The following AK7 variants were observed in gnomAD, a reference collection of about 807,000 sequenced individuals.
The protein encoded by AK7 is ATP-AMP transphosphorylase 7.
AK7 carries 78 observed loss-of-function variants against 96.6 expected under a neutral mutation model. The observed-to-expected ratio is 0.81, with a 90% CI of 0.67 to 0.97. AK7 has a LOEUF of 0.97. Ranked by LOEUF, AK7 falls within the 50% of genes least tolerant of loss-of-function variation. The pLI is 0.00. For synonymous variants in AK7, 302 were observed against 317.2 expected (o/e 0.95, Z 0.51); for missense variants, 855 against 887.9 (o/e 0.96, Z 0.47).
intron 4 of AK7, among the ~76,000 whole-genome samples, chr14:96,414,169 C>T (rs1891194150): frequency 6.6e-6 from 1 of 152,250 alleles, no homozygotes; most frequent in African/African-American, 2.4e-5. Flanking sequence ...AAGATCCAGG[C>T]TCCTTCTGTT....
At position 96,455,701 on chromosome 14, in the gene AK7, C is replaced by T. The variant is rs1461555621; in HGVS notation, c.1099-646C>T. ...TTACTCTTTAGTGATCTGAGTTGTTCCTGATACATCTTCTTATGTGGCCCT... is the reference window on the plus strand; with the variant it reads ...TTACTCTTTAGTGATCTGAGTTGTTTCTGATACATCTTCTTATGTGGCCCT... On this transcript the variant is annotated intron_variant, in intron 10 of 17. Coordinates refer to ENST00000267584, the MANE Select transcript of AK7 (RefSeq NM_152327.5). 2.1e-4 allele frequency among the ~76,000 whole-genome samples: 32 copies of T among 152,130 alleles called. 1 individual carries two copies. Among genetic ancestry groups the T allele is most frequent in the Admixed American group, 2.1e-3 (32 of 15,260 alleles).
At chr14:96,393,248 C>T (rs570205816) in intron 1 of AK7, among the ~76,000 whole-genome samples, 1 of 152,308 alleles carries the variant, frequency 6.6e-6, no homozygotes, top group Admixed American at 6.5e-5. Flanking sequence ...TCTAGAGCTA[C>T]AGAGAAATCT....
At chr14:96,424,890 T>C (rs1891934967) in intron 5 of AK7, among the ~76,000 whole-genome samples, 1 of 152,232 alleles carries the variant, frequency 6.6e-6, no homozygotes, top group South Asian at 2.1e-4. Context: ...GGAAAATGTA[T>C]GCTTACACAT....
intron 7 of AK7, among the ~76,000 whole-genome samples, chr14:96,443,342 G>A (rs1052627969): frequency 1.3e-5 from 2 of 152,154 alleles, no homozygotes; most frequent in African/African-American, 2.4e-5. Context: ...TGACTTAAAC[G>A]TGAGGTCAAT....
At chr14:96,481,509 C>T (rs1464835737) in intron 15 of AK7, among the ~76,000 whole-genome samples, 1 of 151,346 alleles carries the variant, frequency 6.6e-6, no homozygotes, top group African/African-American at 2.4e-5. Flanking sequence ...ACATGCCCAG[C>T]TAATTTTTGT....
intron 4 of AK7, among the ~76,000 whole-genome samples, chr14:96,416,370 A>T (rs990570398): frequency 4.0e-5 from 6 of 150,284 alleles, no homozygotes; most frequent in Admixed American, 1.3e-4. Context: ...CTGGAGACAG[A>T]GTGAGACTCT....
intron 12 of AK7, among the ~76,000 whole-genome samples, chr14:96,458,734 C>T (rs1237853253): frequency 1.4e-5 from 2 of 142,812 alleles, no homozygotes; most frequent in Admixed American, 7.0e-5. Context: ...AAGAGTGAAA[C>T]TCTGTCTCAA....
chr14:96,475,964 G>C (rs565049538), intron 14 of AK7, among the ~76,000 whole-genome samples: 1 of 142,564 alleles, frequency 7.0e-6, no homozygotes, highest in East Asian at 2.1e-4. Context: ...GGGTGACAGT[G>C]AGACCCTGTC....
chr14:96,433,653 C>G (rs974365175), intron 5 of AK7, among the ~76,000 whole-genome samples: 1 of 152,298 alleles, frequency 6.6e-6, no homozygotes, highest in East Asian at 1.9e-4. Context: ...TTATTACCGA[C>G]CTTCTGAAGC....
intron 6 of AK7, among the ~76,000 whole-genome samples, chr14:96,442,263 T>G (rs1341131517): frequency 2.0e-5 from 3 of 152,222 alleles, no homozygotes; most frequent in African/African-American, 7.2e-5. Context: ...ACCCCTGGAC[T>G]GATGGTACTT....
intron 16 of AK7, among the ~76,000 whole-genome samples, chr14:96,485,372 G>A (rs1018129495): frequency 6.6e-6 from 1 of 152,144 alleles, no homozygotes; most frequent in Non-Finnish European, 1.5e-5. Context: ...AACGGCTCCA[G>A]TTGGCCTCCC....
chr14:96,461,897 AT>A (rs1225518796), intron 12 of AK7, among the ~76,000 whole-genome samples: 2 of 152,180 alleles, frequency 1.3e-5, no homozygotes, highest in Non-Finnish European at 2.9e-5. Context: ...AGCATTATTT[AT>A]TGACAAAGAC....
intron 6 of AK7, among the ~76,000 whole-genome samples, chr14:96,442,461 A>G (rs1421469977): frequency 6.6e-6 from 1 of 151,866 alleles, no homozygotes; most frequent in Non-Finnish European, 1.5e-5. Flanking sequence ...GCTACACATT[A>G]TTTCTCTTGG....
chr14:96,450,340 C>T (rs148512187), intron 9 of AK7, among the ~76,000 whole-genome samples: 6 of 151,442 alleles, frequency 4.0e-5, no homozygotes, highest in Admixed American at 2.0e-4. Flanking sequence ...CGCTTGAACC[C>T]GGGAGGCAGA....
chr14:96,456,771 G>T, intron 11 of AK7: 1 of 258,764 alleles, frequency 3.9e-6, no homozygotes, highest in Non-Finnish European at 7.6e-6. Flanking sequence ...GTGTGTGTTT[G>T]TGTCGTCTTC....
chr14:96,461,758 G>A (rs1038780402), intron 12 of AK7, among the ~76,000 whole-genome samples: 4 of 151,988 alleles, frequency 2.6e-5, no homozygotes, highest in Non-Finnish European at 5.9e-5. Context: ...CTAATTTTTT[G>A]TATTTTTAGT....
At position 96,478,490 on chromosome 14, in the gene AK7, G is replaced by T. The variant is rs562966923; in HGVS notation, c.1581G>T (p.Ser527=). 11 of 1,614,090 alleles carry T rather than the reference G, an allele frequency of 6.8e-6. No individual in the cohort carries two copies. The highest frequency in any genetic ancestry group is 6.7e-5 in the African/African-American group (5 of 74,996). Residue 527 remains serine (S), a synonymous_variant, in exon 15 of 18, where the codon TCG becomes TCT. Coordinates refer to ENST00000267584, the MANE Select transcript of AK7 (RefSeq NM_152327.5). ...IPEFVCALDA[S]DEFLKERVIN... The stretch of plus-strand genomic sequence containing the variant: ...AATTCGTTTGTGCACTGGATGCTTC[G>T]GATGAGTTTCTGAAGGAGCGTGTGA...
chr14:96,465,671 AT>A (rs1427707902), intron 12 of AK7, among the ~76,000 whole-genome samples: 2 of 152,092 alleles, frequency 1.3e-5, no homozygotes, highest in East Asian at 3.9e-4. Context: ...AAATCCTTTT[AT>A]TTTACCTGGT....
chr14:96,456,110 G>A lies in AK7; in HGVS notation c.1099-237G>A, dbSNP rs150543006. Among the ~76,000 whole-genome samples the A allele has an allele frequency of 2.4e-3, 359 of 151,836 alleles. 2 individuals carry two copies. Among genetic ancestry groups the A allele is most frequent in the Admixed American group, 5.1e-3 (78 of 15,228 alleles). On this transcript the variant is annotated intron_variant, in intron 10 of 17. Coordinates refer to ENST00000267584, the MANE Select transcript of AK7 (RefSeq NM_152327.5). ...AAAAATTAGCTGGGCATGGTGGTGC[G>A]CACATGTAGTCTCAGCTACTCGGGA...
Sources: allele counts gnomAD v4.1 joint callset (sites outside exome capture counted in the v4.1 genomes callset), GRCh38; gene constraint gnomAD v4.1.1; transcripts MANE v1.5; gene names NCBI Gene and HGNC (gene_info 2026-07-23, HGNC 2026-07-21).